Variants in HYDIN observed in about 807,000 individuals in gnomAD.
HYDIN encodes axonemal central pair apparatus protein HYDIN.
Under a neutral mutation model 403.9 loss-of-function variants are expected in HYDIN, and 132 were observed. The observed-to-expected ratio is 0.33, with a 90% CI of 0.28 to 0.38. The LOEUF is 0.38. HYDIN is among the 10% of genes least tolerant of loss of function. The pLI, the probability that HYDIN is intolerant of heterozygous loss-of-function variation, is 1.00. For missense variants in HYDIN, 2,827 were observed against 5,009.5 expected (o/e 0.56, Z 13.15); for synonymous variants, 1,202 against 1,891.7 (o/e 0.64, Z 9.46).
intron 84 of HYDIN, chr16:70,811,385 T>G (rs1285793574): frequency 2.0e-5 from 3 of 153,618 alleles, no homozygotes; most frequent in Non-Finnish European, 4.4e-5. Context: ...TGCAGGGAGC[T>G]ATGATCATAC....
chr16:70,847,266 T>G (rs2038278324), intron 75 of HYDIN, among the ~76,000 whole-genome samples: 1 of 150,936 alleles, frequency 6.6e-6, no homozygotes, highest in South Asian at 2.1e-4. Context: ...TAAGGCCCAC[T>G]AATACAGATT....
In HYDIN at chr16:71,000,661, A is replaced by G. The variant is rs1001368020; in HGVS notation, c.3645-8451T>C. ...TGCAGGTCGACTACAAAGGCAGGAA[A>G]CTTGTCTCTGGAAGCTCAGATTTCA... On this transcript the variant is annotated intron_variant, in intron 23 of 85. Coordinates refer to ENST00000393567, the MANE Select transcript of HYDIN (RefSeq NM_001270974.2). Among the ~76,000 whole-genome samples the G allele has an allele frequency of 3.3e-5, 5 of 152,032 alleles. No homozygotes were observed. The East Asian group carries it at 9.7e-4, about 30-fold the overall frequency.
chr16:70,808,821 A>G (rs2035268643), intron 85 of HYDIN, among the ~76,000 whole-genome samples: 2 of 152,112 alleles, frequency 1.3e-5, no homozygotes, highest in Admixed American at 1.3e-4. Context: ...GTTCCATGGA[A>G]TATTAGTAGA....
chr16:71,216,316 A>C (rs1598052048), intron 1 of HYDIN, among the ~76,000 whole-genome samples: 1 of 152,366 alleles, frequency 6.6e-6, no homozygotes, highest in East Asian at 1.9e-4. Flanking sequence ...AATATGGATG[A>C]ATTTTACATC....
rs16943483 is a variant in HYDIN, at chr16:70,857,887, G to A, written c.12130-17C>T. On this transcript the variant is annotated splice_polypyrimidine_tract_variant and intron_variant, in intron 71 of 85. Coordinates refer to ENST00000393567, the MANE Select transcript of HYDIN (RefSeq NM_001270974.2). ...GAACACGATCTAACAAGACAATTTG[G>A]AACAGAGTGGTAAAAGACACTTCTG... is the stretch of plus-strand genomic sequence containing the variant. The A allele has an allele frequency of 0.084, 135,783 of 1,611,396 alleles. 6,953 individuals carry two copies. Among genetic ancestry groups the A allele is most frequent in the East Asian group, 0.17 (7,655 of 44,754 alleles).
rs181533212 is a variant in HYDIN, at chr16:71,214,699, T to C, written c.-24+15863A>G. 1.1e-3 allele frequency among the ~76,000 whole-genome samples: 161 copies of C among 152,308 alleles called. 1 individual carries two copies. The highest frequency in any genetic ancestry group is 2.5e-4 in the Non-Finnish European group (17 of 68,028). On this transcript the variant is annotated intron_variant, in intron 1 of 85. Coordinates refer to ENST00000393567, the MANE Select transcript of HYDIN (RefSeq NM_001270974.2). ...AGAAATTAGTGCGTAAAAGCTACATTCTTCTATTCTTTGGGCAGACAATTT... is the reference window on the plus strand; with the variant it reads ...AGAAATTAGTGCGTAAAAGCTACATCCTTCTATTCTTTGGGCAGACAATTT...
intron 5 of HYDIN, among the ~76,000 whole-genome samples, chr16:71,168,319 CAAAAAA>C (rs71302043): frequency 3.5e-5 from 3 of 86,470 alleles, no homozygotes; most frequent in African/African-American, 8.8e-5. Context: ...AACCCTGCTT[CAAAAAA>C]AAAAAAAAAA....
At chr16:71,200,537 C>G (rs2087947134) in intron 1 of HYDIN, among the ~76,000 whole-genome samples, 1 of 152,156 alleles carries the variant, frequency 6.6e-6, no homozygotes, top group Non-Finnish European at 1.5e-5. Context: ...TTTTAGGTAT[C>G]AGGCTGAGAT....
intron 47 of HYDIN, among the ~76,000 whole-genome samples, chr16:70,910,253 C>A (rs1262594333): frequency 1.3e-5 from 2 of 152,278 alleles, no homozygotes; most frequent in South Asian, 4.1e-4. Flanking sequence ...CCCTTCCCCC[C>A]AAGTCCCCAA....
chr16:71,020,353 A>C (rs200031594), intron 21 of HYDIN, 36 bp from the exon 22 acceptor site: 1 of 1,601,114 alleles, frequency 6.2e-7, no homozygotes, highest in East Asian at 2.2e-5. Context: ...AAATCAACTT[A>C]TGGTAAATAC....
In HYDIN at chr16:70,804,969, T is replaced by A. The variant is rs753758197; in HGVS notation, c.*2611A>T. ...GGGCTGGTGGCATGTTAGACAAGAT[T>A]TCAGACAGCTTCTTCCACCTTTTCT... On this transcript the variant is annotated 3_prime_UTR_variant, in exon 86 of 86. Coordinates refer to ENST00000393567, the MANE Select transcript of HYDIN (RefSeq NM_001270974.2). 1.3e-5 allele frequency among the ~76,000 whole-genome samples: 2 copies of A among 152,352 alleles called. No individual in the cohort carries two copies. Among genetic ancestry groups the A allele is most frequent in the Admixed American group, 6.5e-5 (1 of 15,306 alleles).
chr16:70,932,212 G>C (rs1258368934), intron 45 of HYDIN, among the ~76,000 whole-genome samples: 1 of 147,746 alleles, frequency 6.8e-6, no homozygotes, highest in Non-Finnish European at 1.5e-5. Flanking sequence ...AAAATTAGCC[G>C]AGTGTGGTGG....
At chr16:71,030,731 C>T (rs942201970) in intron 19 of HYDIN, among the ~76,000 whole-genome samples, 3 of 152,232 alleles carry the variant, frequency 2.0e-5, no homozygotes, top group Non-Finnish European at 2.9e-5. Context: ...GTGCCTGGTC[C>T]AAACCTGATT....
At chr16:70,862,368 C>T in intron 68 of HYDIN, 113 bp from the exon 69 acceptor site, 1 of 591,562 alleles carries the variant, frequency 1.7e-6, no homozygotes, top group Middle Eastern at 4.5e-4. Flanking sequence ...GATATGGACT[C>T]ACCTTTTGTA....
intron 9 of HYDIN, among the ~76,000 whole-genome samples, chr16:71,126,428 C>T (rs1164991429): frequency 6.6e-6 from 1 of 152,094 alleles, no homozygotes; most frequent in Non-Finnish European, 1.5e-5. Flanking sequence ...GTAAATAGGT[C>T]AAGACCAGAG....
chr16:71,046,987 G>A (rs2081472012), intron 18 of HYDIN, among the ~76,000 whole-genome samples: 1 of 151,718 alleles, frequency 6.6e-6, no homozygotes, highest in Non-Finnish European at 1.5e-5. Flanking sequence ...AGAGAAGGTG[G>A]GATTTAAATA....
intron 57 of HYDIN, among the ~76,000 whole-genome samples, chr16:70,891,258 G>A (rs1426133351): frequency 3.3e-5 from 5 of 151,928 alleles, no homozygotes; most frequent in Non-Finnish European, 7.4e-5. Context: ...GCGCGATCTC[G>A]GCTCACTGCA....
intron 1 of HYDIN, among the ~76,000 whole-genome samples, chr16:71,215,094 T>C (rs995300771): frequency 2.6e-5 from 4 of 152,066 alleles, no homozygotes; most frequent in Non-Finnish European, 5.9e-5. Context: ...AATTCATCAA[T>C]CAAATAACAT....
rs536002712 is a variant in HYDIN, at chr16:70,979,501, A to T, written c.4511-460T>A. On this transcript the variant is annotated intron_variant, in intron 29 of 85. Coordinates refer to ENST00000393567, the MANE Select transcript of HYDIN (RefSeq NM_001270974.2). ...AGATATGTTTGGGTCAAGTTGTTTT[A>T]ATTAACACTAAATATGCCACATTAT... Among the ~76,000 whole-genome samples the T allele has an allele frequency of 3.0e-4, 45 of 152,246 alleles. 1 individual carries two copies. In the South Asian group the frequency reaches 8.9e-3, roughly 30 times the overall value.
Sources: allele counts gnomAD v4.1 joint callset (sites outside exome capture counted in the v4.1 genomes callset), GRCh38; gene constraint gnomAD v4.1.1; transcripts MANE v1.5; gene names NCBI Gene and HGNC (gene_info 2026-07-23, HGNC 2026-07-21).